FAM78B: variants seen among roughly 807,000 people sequenced by gnomAD.
The protein encoded by FAM78B is protein FAM78B.
Under a neutral mutation model 20.0 loss-of-function variants are expected in FAM78B, and 10 were observed. That is an observed-to-expected ratio of 0.50 (90% CI 0.31 to 0.85). FAM78B has a LOEUF of 0.85. FAM78B is among the 40% of genes least tolerant of loss of function. The pLI, the probability that FAM78B is intolerant of heterozygous loss-of-function variation, is 0.05. For missense variants in FAM78B, 283 were observed against 345.0 expected, an observed-to-expected ratio of 0.82 and a Z score of 1.42; for synonymous variants, 135 against 132.8, an observed-to-expected ratio of 1.02 and a Z score of -0.12.
chr1:166,166,511 C>G lies in FAM78B; in HGVS notation c.-263G>C, dbSNP rs1224040381. Reference sequence around the variant, plus strand: ...GCGCGGAGGGTGCACTCCTAGGAGGCGGCGGGTGCCCTCGCCGGCTCCAGC... The same window carrying G: ...GCGCGGAGGGTGCACTCCTAGGAGGGGGCGGGTGCCCTCGCCGGCTCCAGC... On this transcript the variant is annotated 5_prime_UTR_variant, in exon 1 of 2. Coordinates refer to ENST00000354422, the MANE Select transcript of FAM78B (RefSeq NM_001017961.5). 6.5e-6 allele frequency: 1 copy of G among 154,806 alleles called. No homozygotes were observed. The highest frequency in any genetic ancestry group is 2.4e-5 in the African/African-American group (1 of 41,262). The allele number at this position is 154,806 out of a possible 1,614,324, so 9.6% of individuals were successfully genotyped here.
At chr1:166,110,801 T>A (rs1002022365) in intron 1 of FAM78B, among the ~76,000 whole-genome samples, 1 of 152,102 alleles carries the variant, frequency 6.6e-6, no homozygotes, top group Admixed American at 6.5e-5. Flanking sequence ...TATTTAGACT[T>A]GTGAGGAGTG....
intron 1 of FAM78B, among the ~76,000 whole-genome samples, chr1:166,137,824 ACT>A (rs1255060352): frequency 6.6e-6 from 1 of 152,084 alleles, no homozygotes; most frequent in East Asian, 1.9e-4. Context: ...CTCTATCTAG[ACT>A]CTGCTTCAAT....
intron 1 of FAM78B, among the ~76,000 whole-genome samples, chr1:166,141,678 G>A (rs1390467014): frequency 6.6e-6 from 1 of 152,200 alleles, no homozygotes; most frequent in South Asian, 2.1e-4. Context: ...TGGGAGGTAC[G>A]TATCTATGTG....
At chr1:166,057,861 G>A (rs1651409749) in exon 3 of FAM78B, 1 of 152,200 alleles carries the variant, frequency 6.6e-6, no homozygotes, top group Non-Finnish European at 1.5e-5. Context: ...TGAACAGGGT[G>A]GGGTGGGCCA....
intron 1 of FAM78B, among the ~76,000 whole-genome samples, chr1:166,158,877 T>C (rs1656025793): frequency 6.6e-6 from 1 of 152,266 alleles, no homozygotes; most frequent in Non-Finnish European, 1.5e-5. Context: ...ACCAGGATGC[T>C]CTGCTACTGC....
chr1:166,111,408 G>A (rs1353596245), intron 1 of FAM78B, among the ~76,000 whole-genome samples: 1 of 152,224 alleles, frequency 6.6e-6, no homozygotes, highest in African/African-American at 2.4e-5. Context: ...ATACACAAGT[G>A]TAGAGAACAA....
chr1:166,128,267 C>A (rs769548466), intron 1 of FAM78B, among the ~76,000 whole-genome samples: 34 of 152,056 alleles, frequency 2.2e-4, no homozygotes, highest in Non-Finnish European at 4.1e-4. Flanking sequence ...TTTCATTCCT[C>A]CTTTATTTAT....
At chr1:166,074,481 G>GACTT (rs1450681448) in intron 1 of FAM78B, among the ~76,000 whole-genome samples, 3 of 152,146 alleles carry the variant, frequency 2.0e-5, no homozygotes, top group African/African-American at 7.2e-5. Context: ...TTGGAATTAT[G>GACTT]ACTTATTTTT....
At chr1:166,150,061 C>T (rs770540934) in intron 1 of FAM78B, among the ~76,000 whole-genome samples, 5 of 152,150 alleles carry the variant, frequency 3.3e-5, no homozygotes, top group African/African-American at 9.7e-5. Flanking sequence ...CTAGCTACTT[C>T]GGACTCTGAT....
intron 1 of FAM78B, among the ~76,000 whole-genome samples, chr1:166,109,832 G>GTATATATA (rs1215891381): frequency 1.4e-4 from 4 of 28,270 alleles, no homozygotes; most frequent in African/African-American, 4.1e-4. Context: ...ATATATATAT[G>GTATATATA]TATATATGTA....
chr1:166,099,345 G>A (rs536598821), intron 1 of FAM78B, among the ~76,000 whole-genome samples: 3 of 152,098 alleles, frequency 2.0e-5, no homozygotes, highest in Non-Finnish European at 4.4e-5. Flanking sequence ...AAGTTAAAAA[G>A]CAAAAACAAA....
At chr1:166,056,302 TATGAATGA>T (rs59841297), downstream of FAM78B, among the ~76,000 whole-genome samples, 6 of 151,350 alleles carry the variant, frequency 4.0e-5, no homozygotes, top group South Asian at 6.3e-4. Context: ...AGAGAGAGAA[TATGAATGA>T]ATGAATGAAT....
chr1:166,068,359 A>G (rs1651880114), downstream of FAM78B, among the ~76,000 whole-genome samples: 2 of 152,244 alleles, frequency 1.3e-5, no homozygotes, highest in Admixed American at 1.3e-4. Flanking sequence ...TTATTTCTAA[A>G]TGAATGTCTC....
rs1008313745 is a variant in FAM78B at position 166,070,014 on chromosome 1, G to C, written c.*227C>G. Reference sequence around the variant, plus strand: ...GCTACTTGCATGGTAATCACAGCAAGTCTGTCAAATCAGTGATTTCTTTAT... The same window carrying C: ...GCTACTTGCATGGTAATCACAGCAACTCTGTCAAATCAGTGATTTCTTTAT... On this transcript the variant is annotated 3_prime_UTR_variant, in exon 2 of 2. Coordinates refer to ENST00000354422, the MANE Select transcript of FAM78B (RefSeq NM_001017961.5). 1 of 1,236,208 alleles carries C rather than the reference G, an allele frequency of 8.1e-7. No individual in the cohort carries two copies. The highest frequency in any genetic ancestry group is 1.0e-6 in the Non-Finnish European group (1 of 988,314). 76.6% of individuals were successfully genotyped at this position (1,236,208 alleles called of 1,614,324 possible). A position where few individuals can be genotyped will look rare whatever the true frequency, so the allele number is the denominator to read the frequency against.
chr1:166,158,404 C>T (rs774637575), intron 1 of FAM78B, among the ~76,000 whole-genome samples: 19 of 152,238 alleles, frequency 1.2e-4, no homozygotes, highest in South Asian at 2.1e-4. Flanking sequence ...ACTCCTGGCA[C>T]GGCTCCTTGC....
At chr1:166,065,935 ATG>A (rs1009810982), downstream of FAM78B, among the ~76,000 whole-genome samples, 1 of 152,050 alleles carries the variant, frequency 6.6e-6, no homozygotes, top group Non-Finnish European at 1.5e-5. Context: ...AGGTCTCTGT[ATG>A]TGTGTGTGTT....
intron 1 of FAM78B, among the ~76,000 whole-genome samples, chr1:166,083,603 C>T (rs556544916): frequency 4.6e-5 from 7 of 152,274 alleles, no homozygotes; most frequent in Admixed American, 3.9e-4. Flanking sequence ...CTCTTGGGTT[C>T]AAGTGCTTCT....
At chr1:166,139,836 A>T (rs968019910) in intron 1 of FAM78B, among the ~76,000 whole-genome samples, 4 of 152,208 alleles carry the variant, frequency 2.6e-5, no homozygotes, top group African/African-American at 4.8e-5. Context: ...CAGAGAGCTC[A>T]TAAGAGTTGC....
intron 1 of FAM78B, among the ~76,000 whole-genome samples, chr1:166,090,053 C>T (rs1452142024): frequency 6.6e-6 from 1 of 152,140 alleles, no homozygotes; most frequent in East Asian, 1.9e-4. Flanking sequence ...CCAATAATTG[C>T]CTCTTGCAGA....
Sources: allele counts gnomAD v4.1 joint callset (sites outside exome capture counted in the v4.1 genomes callset), GRCh38; gene constraint gnomAD v4.1.1; transcripts MANE v1.5; gene names NCBI Gene and HGNC (gene_info 2026-07-23, HGNC 2026-07-21).